Variants in CASP6 observed in about 807,000 individuals in gnomAD.
CASP6 encodes the protein caspase-6.
CASP6 carries 20 observed loss-of-function variants against 31.8 expected under a neutral mutation model. The ratio of observed to expected loss-of-function variants is 0.63; its 90% confidence interval spans 0.44 to 0.91. The LOEUF (loss-of-function observed/expected upper bound fraction) is 0.91. Among genes scored for constraint, CASP6 ranks in the 40% least tolerant of loss-of-function variants. CASP6 has a pLI of 0.00. For synonymous variants in CASP6, 130 were observed against 127.8 expected (o/e 1.02, Z -0.12); for missense variants, 328 against 361.1 (o/e 0.91, Z 0.74).
chr4:109,703,662 G>A (rs1220822377), upstream of CASP6: 5 of 537,032 alleles, frequency 9.3e-6, no homozygotes, highest in Non-Finnish European at 1.3e-5. Flanking sequence ...CTCCAGGCCC[G>A]CTGGGACTAA....
chr4:109,687,406 C>T, downstream of CASP6: 1 of 707,538 alleles, frequency 1.4e-6, no homozygotes. Flanking sequence ...ATAGTTTAAA[C>T]ATTTTATTGC....
intron 5 of CASP6, 87 bp downstream of exon 5, chr4:109,694,438 G>A: frequency 8.0e-7 from 1 of 1,242,652 alleles, no homozygotes; most frequent in Non-Finnish European, 1.1e-6. Context: ...ACTGGAGAAA[G>A]TTACTTTCAA....
chr4:109,684,131 T>C (rs938264166), downstream of CASP6, among the ~76,000 whole-genome samples: 4 of 151,534 alleles, frequency 2.6e-5, no homozygotes, highest in African/African-American at 4.9e-5. Flanking sequence ...GGAGTGATCT[T>C]GGCTCACTGC....
At chr4:109,699,929 A>G (rs1216925055) in intron 1 of CASP6, among the ~76,000 whole-genome samples, 1 of 152,190 alleles carries the variant, frequency 6.6e-6, no homozygotes, top group Non-Finnish European at 1.5e-5. Flanking sequence ...ACTTCAAGAA[A>G]ATTAAATCCA....
chr4:109,683,287 GTTT>G, the CASP6 span: 2 of 152,208 alleles, frequency 1.3e-5, no homozygotes, highest in Non-Finnish European at 2.9e-5. Context: ...CCCATTTGTG[GTTT>G]TTATTTAAAT....
chr4:109,705,403 T>C (rs1730568700), upstream of CASP6, among the ~76,000 whole-genome samples: 2 of 152,258 alleles, frequency 1.3e-5, no homozygotes, highest in Non-Finnish European at 2.9e-5. Flanking sequence ...GTACAGAGAC[T>C]GATGCTGTTA....
the CASP6 span, among the ~76,000 whole-genome samples, chr4:109,673,519 C>G: frequency 2.0e-5 from 3 of 152,116 alleles, no homozygotes; most frequent in Non-Finnish European, 4.4e-5. Context: ...TCAGACTTGC[C>G]AAGTCTCACA....
Position 109,689,389 on chromosome 4 carries a change from C to A in CASP6, c.823G>T (p.Val275Phe), listed in dbSNP as rs370198937. 1.7e-5 allele frequency: 28 copies of A among 1,614,094 alleles called. No individual in the cohort carries two copies. Among genetic ancestry groups the A allele is most frequent in the Non-Finnish European group, 2.4e-5 (28 of 1,180,042 alleles). ...GTTAGCATTGAGGCAAAACAGGGAACCTGCTTCTTTCCAATTGCACTTGGG... is the reference window on the plus strand; with the variant it reads ...GTTAGCATTGAGGCAAAACAGGGAAACTGCTTCTTTCCAATTGCACTTGGG... The part of the protein sequence containing the change: ...KDPSAIGKKQ[V>F]PCFASMLTKK... The change falls in exon 7 of 7, where the codon GTT (valine) becomes TTT (phenylalanine). Residue 275 changes from valine (V) to phenylalanine (F), a missense_variant. By Grantham distance (50) the Val-to-Phe change is conservative. Transcript: ENST00000265164.
At chr4:109,704,992 ACC>A (rs1471102876), upstream of CASP6, among the ~76,000 whole-genome samples, 1 of 152,232 alleles carries the variant, frequency 6.6e-6, no homozygotes, top group Non-Finnish European at 1.5e-5. Context: ...GGTGTGAGCC[ACC>A]GTGCCCAGCC....
chr4:109,687,423 G>C (rs1729871963), downstream of CASP6: 2 of 824,346 alleles, frequency 2.4e-6, no homozygotes, highest in African/African-American at 1.7e-5. Flanking sequence ...TTGCTGTAAG[G>C]AGACGCTAAG....
downstream of CASP6, chr4:109,684,620 T>A (rs1241854905): frequency 6.5e-7 from 1 of 1,549,154 alleles, no homozygotes. Context: ...TATGGTCTTT[T>A]TTGCATACTT....
the CASP6 span, among the ~76,000 whole-genome samples, chr4:109,678,893 A>T: frequency 7.2e-6 from 1 of 139,068 alleles, no homozygotes; most frequent in Non-Finnish European, 1.5e-5. Flanking sequence ...CCCACTTCCC[A>T]GACGGGGTGG....
In CASP6 at chr4:109,689,201, G is replaced by A. The variant is rs938393611; in HGVS notation, c.*129C>T. 6.1e-6 allele frequency: 5 copies of A among 821,488 alleles called. No homozygotes were observed. The highest frequency in any genetic ancestry group is 2.5e-5 in the East Asian group (1 of 40,312). The allele number at this position is 821,488 out of a possible 1,614,324, so 50.9% of individuals were successfully genotyped here. On this transcript the variant is annotated 3_prime_UTR_variant, in exon 7 of 7. Transcript: ENST00000265164. ...TCTCCATGTTGGTCAGGCTGGTCTC[G>A]AACTCCCGACCTCAGGTGATCCGCC...
downstream of CASP6, among the ~76,000 whole-genome samples, chr4:109,683,770 G>A (rs989891453): frequency 1.3e-5 from 2 of 152,194 alleles, no homozygotes; most frequent in African/African-American, 2.4e-5. Flanking sequence ...TCTGTAATGG[G>A]TTTTGTGTAT....
chr4:109,698,510 A>G (rs888414079), intron 1 of CASP6, among the ~76,000 whole-genome samples, 168 bp from the exon 2 acceptor site: 5 of 152,190 alleles, frequency 3.3e-5, no homozygotes, highest in African/African-American at 1.2e-4. Flanking sequence ...ACTGCTTACT[A>G]ATAAACAAAC....
intron 6 of CASP6, among the ~76,000 whole-genome samples, 185 bp from the exon 7 acceptor site, chr4:109,689,753 A>G (rs1254808594): frequency 6.6e-6 from 1 of 152,238 alleles, no homozygotes; most frequent in East Asian, 1.9e-4. Flanking sequence ...TTAATTCTAT[A>G]TAGTTTTATA....
chr4:109,693,745 T>G (rs900786293), intron 5 of CASP6, among the ~76,000 whole-genome samples: 18 of 151,244 alleles, frequency 1.2e-4, no homozygotes, highest in Admixed American at 2.0e-4. Context: ...AAAAAAAATT[T>G]TTTTTTTTTT....
At chr4:109,691,805 A>G (rs540237383) in intron 5 of CASP6, among the ~76,000 whole-genome samples, 1 of 152,314 alleles carries the variant, frequency 6.6e-6, no homozygotes, top group East Asian at 1.9e-4. Context: ...TGTCTTCATA[A>G]GAAGAAATTG....
At chr4:109,696,381 A>T in intron 4 of CASP6, 29 bp downstream of exon 4, 1 of 1,517,424 alleles carries the variant, frequency 6.6e-7, no homozygotes, top group African/African-American at 1.4e-5. Flanking sequence ...TTAGAGGAAG[A>T]TGAACTATAT....
Sources: allele counts gnomAD v4.1 joint callset (sites outside exome capture counted in the v4.1 genomes callset), GRCh38; gene constraint gnomAD v4.1.1; transcripts MANE v1.5; gene names NCBI Gene and HGNC (gene_info 2026-07-23, HGNC 2026-07-21).